The following MCPH1 variants were observed in gnomAD, a reference collection of about 807,000 sequenced individuals.
MCPH1 encodes microcephalin.
Under a neutral mutation model 84.5 loss-of-function variants are expected in MCPH1, and 104 were observed. The observed-to-expected ratio is 1.23, with a 90% CI of 1.05 to 1.45. The LOEUF is 1.45. Among genes scored for constraint, MCPH1 ranks in the 40% most tolerant of loss-of-function variants. The pLI, the probability that MCPH1 is intolerant of heterozygous loss-of-function variation, is 0.00. For missense variants in MCPH1, 1,498 were observed against 1,005.7 expected (o/e 1.49, Z -6.62); for synonymous variants, 514 against 366.8 (o/e 1.40, Z -4.58).
At chr8:6,618,172 G>A (rs145066520) in intron 12 of MCPH1, among the ~76,000 whole-genome samples, 39 of 152,352 alleles carry the variant, frequency 2.6e-4, no homozygotes, top group East Asian at 1.9e-3. Context: ...GAATTTGTGC[G>A]TTTGAGGCTT....
intron 12 of MCPH1, among the ~76,000 whole-genome samples, chr8:6,612,761 G>C (rs182385072): frequency 2.6e-5 from 4 of 152,210 alleles, no homozygotes; most frequent in Admixed American, 6.5e-5. Flanking sequence ...CCTTCTCCCA[G>C]CTGGTGGTGC....
chr8:6,567,562 G>C (rs1386625150), intron 12 of MCPH1, among the ~76,000 whole-genome samples: 3 of 152,224 alleles, frequency 2.0e-5, no homozygotes, highest in Non-Finnish European at 2.9e-5. Context: ...GGCCTGGGAT[G>C]CAAGTGTGCA....
At chr8:6,446,447 T>C (rs1804386778) in intron 8 of MCPH1, 1 of 985,408 alleles carries the variant, frequency 1.0e-6, no homozygotes, top group Non-Finnish European at 1.2e-6. Flanking sequence ...TACATACCTT[T>C]TCCTTGAGTA....
In MCPH1 at chr8:6,645,083, C is replaced by G. The variant is rs1203193329; in HGVS notation, c.*2034C>G. 2 of 152,276 alleles carry G rather than the reference C, an allele frequency of 1.3e-5. No individual in the cohort carries two copies. The highest frequency in any genetic ancestry group is 4.8e-5 in the African/African-American group (2 of 41,452). 9.4% of individuals were successfully genotyped at this position (152,276 alleles called of 1,614,324 possible). ...GTAGTGCTCCCACAGCACCAAAAAT[C>G]CCTGAGGAGGCTGACAAACATTGTG... On this transcript the variant is annotated 3_prime_UTR_variant, in exon 14 of 14. Coordinates refer to ENST00000344683, the MANE Select transcript of MCPH1 (RefSeq NM_024596.5).
At chr8:6,472,762 C>G (rs1002880106) in intron 9 of MCPH1, among the ~76,000 whole-genome samples, 2 of 152,172 alleles carry the variant, frequency 1.3e-5, no homozygotes, top group Admixed American at 6.5e-5. Flanking sequence ...GCCACCATGT[C>G]CAGCCTCAGA....
intron 12 of MCPH1, among the ~76,000 whole-genome samples, chr8:6,578,699 G>C (rs751634440): frequency 1.3e-5 from 2 of 152,196 alleles, no homozygotes; most frequent in Non-Finnish European, 2.9e-5. Context: ...ACATGTCCAA[G>C]CTCTCAGTGA....
At position 6,621,696 on chromosome 8, in the gene MCPH1, GA is replaced by G. The variant is rs1412940132; in HGVS notation, c.2452+7del. On this transcript the variant is annotated splice_donor_region_variant and intron_variant, in intron 13 of 13. Coordinates refer to ENST00000344683, the MANE Select transcript of MCPH1 (RefSeq NM_024596.5). ...TGTCTGAGAAATGGGTCTTAGGTAA[GA>G]ATCCAGGCACACAGACGCTGTGGTG... The G allele has an allele frequency of 5.6e-6, 9 of 1,614,012 alleles. 1 individual carries two copies. Among genetic ancestry groups the G allele is most frequent in the Non-Finnish European group, 7.6e-6 (9 of 1,180,050 alleles).
At chr8:6,526,892 A>G (rs763308319) in intron 12 of MCPH1, among the ~76,000 whole-genome samples, 1 of 152,108 alleles carries the variant, frequency 6.6e-6, no homozygotes. Context: ...TTTTTTTTCT[A>G]TTGTTGATCT....
intron 12 of MCPH1, among the ~76,000 whole-genome samples, chr8:6,614,273 C>G (rs192596019): frequency 1.3e-5 from 2 of 152,222 alleles, no homozygotes; most frequent in Admixed American, 6.5e-5. Context: ...TCGGACAGGA[C>G]TCACGATGGA....
At chr8:6,563,599 G>A (rs999544778) in intron 12 of MCPH1, among the ~76,000 whole-genome samples, 2 of 152,206 alleles carry the variant, frequency 1.3e-5, no homozygotes, top group African/African-American at 4.8e-5. Flanking sequence ...TACAATGAAA[G>A]TTCCTGTTTT....
intron 2 of MCPH1, among the ~76,000 whole-genome samples, chr8:6,409,932 C>G (rs1163841582): frequency 6.6e-6 from 1 of 151,606 alleles, no homozygotes; most frequent in Non-Finnish European, 1.5e-5. Context: ...GAGAAGAATG[C>G]CAGGAGAAGG....
chr8:6,581,960 T>C (rs1488288761), intron 12 of MCPH1, among the ~76,000 whole-genome samples: 1 of 152,206 alleles, frequency 6.6e-6, no homozygotes. Context: ...ATTTTCACTC[T>C]CATGACCTGC....
At chr8:6,443,814 C>T (rs1339776292) in intron 7 of MCPH1, among the ~76,000 whole-genome samples, 3 of 152,126 alleles carry the variant, frequency 2.0e-5, no homozygotes, top group Non-Finnish European at 4.4e-5. Context: ...CCAGAGGGTA[C>T]AGAGGAGTAT....
chr8:6,583,175 A>G (rs1827694889), intron 12 of MCPH1, among the ~76,000 whole-genome samples: 1 of 151,898 alleles, frequency 6.6e-6, no homozygotes, highest in Non-Finnish European at 1.5e-5. Flanking sequence ...TTTTTTTTTC[A>G]GAGTGATTTT....
At chr8:6,511,941 T>C (rs1377455737) in intron 12 of MCPH1, among the ~76,000 whole-genome samples, 3 of 151,798 alleles carry the variant, frequency 2.0e-5, no homozygotes, top group Admixed American at 6.6e-5. Flanking sequence ...GATTCCTAAC[T>C]GTTGCCAGTT....
intron 12 of MCPH1, among the ~76,000 whole-genome samples, chr8:6,569,442 G>C (rs902800218): frequency 6.6e-6 from 1 of 152,230 alleles, no homozygotes; most frequent in Non-Finnish European, 1.5e-5. Flanking sequence ...TGTTACACTA[G>C]TGTTAAATCC....
chr8:6,647,912 A>G lies in MCPH1; in HGVS notation c.*4863A>G, dbSNP rs569707411. On this transcript the variant is annotated 3_prime_UTR_variant, in exon 14 of 14. Transcript: ENST00000344683. ...TAAGGCATGTGAATTATACACCAAT[A>G]AAGCTATTTTTTTTAAAAAAAAGAG... is the stretch of plus-strand genomic sequence containing the variant. 2 of 151,462 alleles carry G rather than the reference A, an allele frequency of 1.3e-5. No homozygotes were observed. Among genetic ancestry groups the G allele is most frequent in the East Asian group, 3.9e-4 (2 of 5,184 alleles). 9.4% of individuals were successfully genotyped at this position (151,462 alleles called of 1,614,324 possible).
chr8:6,612,548 C>A (rs1830377000), intron 12 of MCPH1, among the ~76,000 whole-genome samples: 1 of 152,244 alleles, frequency 6.6e-6, no homozygotes, highest in Non-Finnish European at 1.5e-5. Flanking sequence ...TGCATGTCCT[C>A]ATCCCTGCAG....
At chr8:6,426,249 G>A (rs1227743963) in intron 3 of MCPH1, among the ~76,000 whole-genome samples, 2 of 151,928 alleles carry the variant, frequency 1.3e-5, no homozygotes, top group East Asian at 1.9e-4. Flanking sequence ...GTACATTCAC[G>A]GGTTTTTTGT....
Sources: allele counts gnomAD v4.1 joint callset (sites outside exome capture counted in the v4.1 genomes callset), GRCh38; gene constraint gnomAD v4.1.1; transcripts MANE v1.5; gene names NCBI Gene and HGNC (gene_info 2026-07-23, HGNC 2026-07-21).